Variants in PRELID2 observed in about 807,000 individuals in gnomAD.
The protein encoded by PRELID2 is PRELI domain-containing protein 2.
A neutral mutation model predicts 28.4 loss-of-function variants in PRELID2; 25 were observed. The observed-to-expected ratio is 0.88, with a 90% confidence interval of 0.64 to 1.23. The LOEUF is 1.23. Ranked by LOEUF, PRELID2 falls within the 50% of genes most tolerant of loss-of-function variation. The probability of loss-of-function intolerance (pLI) is 0.00; values close to 1 mark genes in which losing one functional copy is unlikely to be tolerated. For missense variants in PRELID2, 201 were observed against 214.4 expected, an observed-to-expected ratio of 0.94 and a Z score of 0.39; for synonymous variants, 76 against 71.6, an observed-to-expected ratio of 1.06 and a Z score of -0.31.
intron 1 of PRELID2, among the ~76,000 whole-genome samples, chr5:145,830,081 A>G (rs995022667): frequency 6.6e-6 from 1 of 152,188 alleles, no homozygotes; most frequent in African/African-American, 2.4e-5. Flanking sequence ...TACTGACTTC[A>G]ATCTAAAATT....
rs778792849 is a variant in PRELID2 at position 145,758,821 on chromosome 5, TAA to T, written c.*1713_*1714del. On this transcript the variant is annotated 3_prime_UTR_variant, in exon 7 of 7. Coordinates refer to ENST00000683046, the MANE Select transcript of PRELID2 (RefSeq NM_205846.3). ...AAACACTATGAAGCTGAAAAGAAAT[TAA>T]GAGACAAAATTCAGGCAGCACAAAG... 6.7e-6 allele frequency among the ~76,000 whole-genome samples: 1 copy of T among 149,738 alleles called. No homozygotes were observed. Among genetic ancestry groups the T allele is most frequent in the Non-Finnish European group, 1.5e-5 (1 of 66,794 alleles).
the PRELID2 span, among the ~76,000 whole-genome samples, chr5:145,388,718 T>C: frequency 6.6e-6 from 1 of 152,132 alleles, no homozygotes; most frequent in Non-Finnish European, 1.5e-5. Context: ...CCCTCGGTGT[T>C]AAATCTGTCT....
intron 1 of PRELID2, among the ~76,000 whole-genome samples, chr5:145,725,158 CAAGAA>C (rs149694813): frequency 0.18 from 27,945 of 151,868 alleles, 2,949 homozygotes; most frequent in African/African-American, 0.29. Flanking sequence ...TTCAAAGCAA[CAAGAA>C]AAGAGCAATC....
rs567226964 is a variant in PRELID2, at chr5:145,549,178, T to C, written n.71-75863A>G. On this transcript the variant is annotated intron_variant and non_coding_transcript_variant, in intron 1 of 2. Coordinates refer to the PRELID2 transcript ENST00000510259. ...CTGTCACAAAGCACTTGCCCTATGT[T>C]ACTGCTGTTGCTCATTAGGTGTCTG... Among the ~76,000 whole-genome samples the C allele has an allele frequency of 4.6e-5, 7 of 152,324 alleles. 1 individual carries two copies. The South Asian group carries it at 1.4e-3, about 32-fold the overall frequency.
intron 1 of PRELID2, among the ~76,000 whole-genome samples, chr5:145,674,186 G>A (rs191462809): frequency 1.2e-4 from 19 of 152,180 alleles, no homozygotes; most frequent in Non-Finnish European, 2.1e-4. Context: ...TATACTTTAA[G>A]TTCTAGGGTA....
chr5:145,661,666 T>TAAAAAAAAAAAAAAAAA (rs567073073), intron 1 of PRELID2, among the ~76,000 whole-genome samples: 1 of 97,184 alleles, frequency 1.0e-5, no homozygotes, highest in Non-Finnish European at 2.4e-5. Context: ...AACAAGCCAT[T>TAAAAAAAAAAAAAAAAA]AAAAAAAAAA....
intron 5 of PRELID2, among the ~76,000 whole-genome samples, chr5:145,792,011 G>A (rs969013440): frequency 6.6e-6 from 1 of 152,106 alleles, no homozygotes; most frequent in Admixed American, 6.6e-5. Flanking sequence ...CAAGTAGCAT[G>A]GCCGCATTCC....
At chr5:145,833,898 G>T (rs896597294) in intron 1 of PRELID2, among the ~76,000 whole-genome samples, 1 of 152,214 alleles carries the variant, frequency 6.6e-6, no homozygotes, top group Non-Finnish European at 1.5e-5. Flanking sequence ...TCATCTTATA[G>T]ATGTGGAAAC....
At position 145,488,156 on chromosome 5, in the gene PRELID2, A is replaced by T. The variant is rs555841177; in HGVS notation, n.71-14841T>A. ...AAAAAAAAAAAGGAATTGGAAAAAC[A>T]AAACTAAACCCACCTTTCCATCCTT... On this transcript the variant is annotated intron_variant and non_coding_transcript_variant, in intron 1 of 2. Coordinates refer to the PRELID2 transcript ENST00000510259. 2.6e-5 allele frequency among the ~76,000 whole-genome samples: 4 copies of T among 152,020 alleles called. No homozygotes were observed. In the South Asian group the frequency reaches 8.3e-4, roughly 32 times the overall value.
Position 145,651,622 on chromosome 5 carries a change from T to C in PRELID2, n.70+113309A>G, listed in dbSNP as rs183418630. On this transcript the variant is annotated intron_variant and non_coding_transcript_variant, in intron 1 of 2. Transcript: ENST00000510259. ...GCAATATTCGCTGTTCTGCAGCCTCTGCTGCTGATACCCAGGCAAACAGGG... is the reference window on the plus strand; with the variant it reads ...GCAATATTCGCTGTTCTGCAGCCTCCGCTGCTGATACCCAGGCAAACAGGG... Among the ~76,000 whole-genome samples the C allele has an allele frequency of 5.4e-4, 82 of 152,332 alleles. No homozygotes were observed. The East Asian group carries it at 0.014, about 27-fold the overall frequency.
the PRELID2 span, among the ~76,000 whole-genome samples, chr5:145,420,203 T>A: frequency 6.6e-6 from 1 of 152,174 alleles, no homozygotes; most frequent in African/African-American, 2.4e-5. Flanking sequence ...AGGATTGACT[T>A]GGCGATGCGG....
chr5:145,589,406 T>TTCC (rs1753196570), intron 1 of PRELID2, among the ~76,000 whole-genome samples: 1 of 152,168 alleles, frequency 6.6e-6, no homozygotes, highest in African/African-American at 2.4e-5. Flanking sequence ...AAGAGTGTAA[T>TTCC]TTACATGAAA....
At chr5:145,791,849 T>C (rs1247031696) in intron 5 of PRELID2, among the ~76,000 whole-genome samples, 3 of 152,308 alleles carry the variant, frequency 2.0e-5, no homozygotes, top group Non-Finnish European at 4.4e-5. Flanking sequence ...GAAAAGAGGA[T>C]ACGTCATTAC....
chr5:145,366,581 C>G, the PRELID2 span, among the ~76,000 whole-genome samples: 3 of 151,862 alleles, frequency 2.0e-5, no homozygotes, highest in Non-Finnish European at 2.9e-5. Context: ...GTTGAAGTAA[C>G]AGGACAGATA....
intron 5 of PRELID2, among the ~76,000 whole-genome samples, chr5:145,793,885 G>A (rs1752564985): frequency 6.6e-6 from 1 of 151,984 alleles, no homozygotes; most frequent in Admixed American, 6.6e-5. Flanking sequence ...GAAACTTTGG[G>A]GAGTATATAT....
intron 5 of PRELID2, among the ~76,000 whole-genome samples, chr5:145,789,424 G>A (rs923446842): frequency 6.6e-6 from 1 of 152,086 alleles, no homozygotes; most frequent in Non-Finnish European, 1.5e-5. Flanking sequence ...AATAAATGGT[G>A]CTGGGAAAAC....
intron 1 of PRELID2, among the ~76,000 whole-genome samples, chr5:145,638,332 C>T (rs529147175): frequency 7.1e-4 from 108 of 152,228 alleles, no homozygotes; most frequent in Non-Finnish European, 1.3e-3. Context: ...TAATGATATA[C>T]ACTACTACAG....
At chr5:145,642,877 A>T (rs1297288227) in intron 1 of PRELID2, among the ~76,000 whole-genome samples, 1 of 152,120 alleles carries the variant, frequency 6.6e-6, no homozygotes, top group African/African-American at 2.4e-5. Context: ...CGGTCAATAT[A>T]TCTGTTTTGG....
At chr5:145,422,494 T>G in the PRELID2 span, among the ~76,000 whole-genome samples, 1 of 152,220 alleles carries the variant, frequency 6.6e-6, no homozygotes, top group Admixed American at 6.5e-5. Flanking sequence ...GTAATGGCCT[T>G]CTTTTTCTCT....
Sources: allele counts gnomAD v4.1 joint callset (sites outside exome capture counted in the v4.1 genomes callset), GRCh38; gene constraint gnomAD v4.1.1; transcripts MANE v1.5; gene names NCBI Gene and HGNC (gene_info 2026-07-23, HGNC 2026-07-21).